The following ZNF385D variants were observed in gnomAD, a reference collection of about 807,000 sequenced individuals.
The protein encoded by ZNF385D is zinc finger protein 385D, also known as zinc finger protein 659.
ZNF385D carries 15 observed loss-of-function variants against 35.8 expected under a neutral mutation model. The ratio of observed to expected loss-of-function variants is 0.42; its 90% CI spans 0.28 to 0.64. The LOEUF is 0.64. Ranked by LOEUF, ZNF385D falls within the 30% of genes least tolerant of loss-of-function variation. The probability of loss-of-function intolerance (pLI) is 0.23; values close to 1 mark genes in which losing one functional copy is unlikely to be tolerated. For synonymous variants in ZNF385D, 212 were observed against 186.8 expected, an observed-to-expected ratio of 1.13 and a Z score of -1.10; for missense variants, 474 against 494.6, an observed-to-expected ratio of 0.96 and a Z score of 0.39.
intron 2 of ZNF385D, among the ~76,000 whole-genome samples, chr3:21,605,380 G>A (rs1029892343): frequency 2.6e-5 from 4 of 152,134 alleles, no homozygotes; most frequent in African/African-American, 9.7e-5. Flanking sequence ...AGAAAATAAG[G>A]GTAAGAAGAG....
intron 3 of ZNF385D, among the ~76,000 whole-genome samples, chr3:22,114,880 G>C (rs1702729219): frequency 6.6e-6 from 1 of 152,010 alleles, no homozygotes; most frequent in Admixed American, 6.6e-5. Context: ...AGCCTTTACA[G>C]GGCATCTGGC....
At chr3:21,930,830 G>T (rs375015611) in intron 3 of ZNF385D, among the ~76,000 whole-genome samples, 1 of 151,996 alleles carries the variant, frequency 6.6e-6, no homozygotes, top group African/African-American at 2.4e-5. Context: ...AAAACTTATT[G>T]AAGACCAACA....
At chr3:22,101,163 C>A (rs1174328136) in intron 3 of ZNF385D, among the ~76,000 whole-genome samples, 1 of 152,002 alleles carries the variant, frequency 6.6e-6, no homozygotes, top group Non-Finnish European at 1.5e-5. Flanking sequence ...AAATAAGTTA[C>A]TGTCTTTTCT....
At chr3:22,172,862 T>G (rs943277859) in intron 2 of ZNF385D, among the ~76,000 whole-genome samples, 2 of 152,164 alleles carry the variant, frequency 1.3e-5, no homozygotes, top group African/African-American at 4.8e-5. Context: ...CAAAGCGGGA[T>G]AGGGCACAAC....
intron 3 of ZNF385D, among the ~76,000 whole-genome samples, chr3:22,029,056 C>T (rs527938883): frequency 1.6e-4 from 24 of 152,078 alleles, no homozygotes; most frequent in Admixed American, 1.3e-3. Flanking sequence ...TTCCTGTTCC[C>T]GTGACATTAC....
intron 3 of ZNF385D, among the ~76,000 whole-genome samples, chr3:22,029,744 G>C (rs1338963184): frequency 6.6e-6 from 1 of 152,048 alleles, no homozygotes. Context: ...TTGGGGATTG[G>C]TGCATTTCTA....
chr3:21,888,221 T>C (rs1272733281), intron 3 of ZNF385D, among the ~76,000 whole-genome samples: 1 of 152,194 alleles, frequency 6.6e-6, no homozygotes, highest in African/African-American at 2.4e-5. Flanking sequence ...GGTGGTTAAA[T>C]AACTATGTGG....
chr3:22,168,058 C>A (rs1216360480), intron 3 of ZNF385D, among the ~76,000 whole-genome samples: 3 of 152,084 alleles, frequency 2.0e-5, no homozygotes, highest in African/African-American at 7.2e-5. Context: ...GATTGACATT[C>A]ATTCACATTT....
At chr3:21,550,054 A>G (rs568452166) in intron 3 of ZNF385D, among the ~76,000 whole-genome samples, 1 of 152,226 alleles carries the variant, frequency 6.6e-6, no homozygotes, top group Non-Finnish European at 1.5e-5. Context: ...AGGGACCATC[A>G]AAATGTATAA....
chr3:21,618,704 G>T (rs1225816634), intron 2 of ZNF385D, among the ~76,000 whole-genome samples: 1 of 152,130 alleles, frequency 6.6e-6, no homozygotes, highest in Non-Finnish European at 1.5e-5. Flanking sequence ...GGATGAGTAT[G>T]TTAAATAAGG....
chr3:21,692,133 A>G (rs577189922), intron 1 of ZNF385D, among the ~76,000 whole-genome samples: 1 of 152,252 alleles, frequency 6.6e-6, no homozygotes, highest in East Asian at 1.9e-4. Flanking sequence ...TCATCTGTCA[A>G]TGAAGATTTG....
intron 3 of ZNF385D, among the ~76,000 whole-genome samples, chr3:21,887,344 A>G (rs1698601953): frequency 6.6e-6 from 1 of 152,076 alleles, no homozygotes; most frequent in Non-Finnish European, 1.5e-5. Flanking sequence ...AACTATGCAC[A>G]TTAATAAAAT....
intron 3 of ZNF385D, among the ~76,000 whole-genome samples, chr3:21,784,422 T>A (rs150138253): frequency 3.4e-4 from 51 of 152,228 alleles, no homozygotes; most frequent in African/African-American, 1.2e-3. Context: ...GTGCTTTAAG[T>A]GTGTTAATAT....
chr3:21,979,307 A>G (rs958188971), intron 3 of ZNF385D, among the ~76,000 whole-genome samples: 1 of 152,214 alleles, frequency 6.6e-6, no homozygotes, highest in Non-Finnish European at 1.5e-5. Context: ...ATTTAACCCC[A>G]CATGTCACTA....
intron 2 of ZNF385D, among the ~76,000 whole-genome samples, chr3:22,242,617 T>A (rs1222452247): frequency 6.6e-6 from 1 of 151,012 alleles, no homozygotes; most frequent in Admixed American, 6.6e-5. Context: ...TGAGGAAAGA[T>A]TGTTGTAGAC....
chr3:22,143,624 T>C (rs530695887), intron 3 of ZNF385D, among the ~76,000 whole-genome samples: 1 of 152,310 alleles, frequency 6.6e-6, no homozygotes, highest in African/African-American at 2.4e-5. Context: ...AATATTCCTA[T>C]ATTGATGGCC....
chr3:21,903,384 C>T (rs1014808220), intron 3 of ZNF385D, among the ~76,000 whole-genome samples: 1 of 152,068 alleles, frequency 6.6e-6, no homozygotes, highest in African/African-American at 2.4e-5. Flanking sequence ...AAAATTGTGA[C>T]CCTAACTCTA....
chr3:21,808,143 C>A (rs1209508460), intron 3 of ZNF385D, among the ~76,000 whole-genome samples: 1 of 152,032 alleles, frequency 6.6e-6, no homozygotes, highest in South Asian at 2.1e-4. Context: ...AGTAGTGACA[C>A]AGGATAAGAA....
intron 2 of ZNF385D, among the ~76,000 whole-genome samples, chr3:21,620,705 C>T (rs1293392541): frequency 6.6e-6 from 1 of 152,128 alleles, no homozygotes; most frequent in Non-Finnish European, 1.5e-5. Context: ...AGGCTGAATC[C>T]TGAGTCACAC....
Sources: allele counts gnomAD v4.1 joint callset (sites outside exome capture counted in the v4.1 genomes callset), GRCh38; gene constraint gnomAD v4.1.1; transcripts MANE v1.5; gene names NCBI Gene and HGNC (gene_info 2026-07-23, HGNC 2026-07-21).